Variants in GABBR2 observed in about 807,000 individuals in gnomAD.
The protein encoded by GABBR2 is G-protein coupled receptor 51.
Under a neutral mutation model 105.6 loss-of-function variants are expected in GABBR2, and 23 were observed. That is an observed-to-expected ratio of 0.22 (90% CI 0.16 to 0.31). GABBR2 has a LOEUF of 0.31. Among genes scored for constraint, GABBR2 ranks in the 10% least tolerant of loss-of-function variants. The pLI is 1.00. For synonymous variants in GABBR2, 478 were observed against 499.7 expected, an observed-to-expected ratio of 0.96 and a Z score of 0.58; for missense variants, 734 against 1,245.5, an observed-to-expected ratio of 0.59 and a Z score of 6.18.
chr9:98,491,328 C>T (rs1200460472), intron 4 of GABBR2, among the ~76,000 whole-genome samples: 1 of 152,188 alleles, frequency 6.6e-6, no homozygotes, highest in Non-Finnish European at 1.5e-5. Context: ...CTTTCAGTGT[C>T]ACTTTGTTTA....
chr9:98,582,428 G>A (rs941920260), intron 1 of GABBR2, among the ~76,000 whole-genome samples: 3 of 152,102 alleles, frequency 2.0e-5, no homozygotes, highest in Non-Finnish European at 4.4e-5. Context: ...CTCCAGATAC[G>A]AACCCAGCCC....
At chr9:98,600,121 TAAG>T (rs1319895606) in intron 1 of GABBR2, among the ~76,000 whole-genome samples, 6 of 151,832 alleles carry the variant, frequency 4.0e-5, no homozygotes, top group Admixed American at 2.0e-4. Flanking sequence ...CAAGAAAAAA[TAAG>T]AAGAACAAGG....
intron 1 of GABBR2, among the ~76,000 whole-genome samples, chr9:98,699,588 T>C (rs1455487676): frequency 2.0e-5 from 3 of 152,208 alleles, no homozygotes; most frequent in Non-Finnish European, 4.4e-5. Context: ...GGCCCTGAGA[T>C]AGTGCCTAGG....
chr9:98,598,279 G>A (rs1034851637), intron 1 of GABBR2, among the ~76,000 whole-genome samples: 3 of 152,112 alleles, frequency 2.0e-5, no homozygotes, highest in Non-Finnish European at 4.4e-5. Flanking sequence ...GGAAGGACAG[G>A]AGCGTCTTCA....
At chr9:98,619,060 G>A (rs1442458625) in intron 1 of GABBR2, among the ~76,000 whole-genome samples, 1 of 152,156 alleles carries the variant, frequency 6.6e-6, no homozygotes, top group African/African-American at 2.4e-5. Flanking sequence ...TATACTGCCT[G>A]TAATGAGCAT....
chr9:98,385,816 T>C, intron 10 of GABBR2, 44 bp from the exon 11 acceptor site: 1 of 1,516,382 alleles, frequency 6.6e-7, no homozygotes, highest in Non-Finnish European at 9.2e-7. Flanking sequence ...ATGGTTAATT[T>C]AGTTATTCCT....
chr9:98,701,253 C>T (rs898858104), intron 1 of GABBR2, among the ~76,000 whole-genome samples: 1 of 152,190 alleles, frequency 6.6e-6, no homozygotes, highest in Non-Finnish European at 1.5e-5. Context: ...AAACATTAAA[C>T]AGGCCCTTAG....
intron 14 of GABBR2, among the ~76,000 whole-genome samples, chr9:98,307,121 C>T (rs1286147560): frequency 6.6e-6 from 1 of 152,216 alleles, no homozygotes; most frequent in Non-Finnish European, 1.5e-5. Flanking sequence ...AGCCTTACCC[C>T]AGCCCTAGAC....
chr9:98,404,092 T>C (rs576133484), intron 8 of GABBR2, among the ~76,000 whole-genome samples: 2 of 152,164 alleles, frequency 1.3e-5, no homozygotes, highest in East Asian at 1.9e-4. Context: ...ACAATTGGCA[T>C]GCACTGGTAG....
At chr9:98,504,727 T>G (rs1166144459) in intron 3 of GABBR2, among the ~76,000 whole-genome samples, 1 of 152,232 alleles carries the variant, frequency 6.6e-6, no homozygotes, top group African/African-American at 2.4e-5. Flanking sequence ...GTGTCTTCAC[T>G]TGATTAAACA....
At chr9:98,638,658 C>T (rs1310172755) in intron 1 of GABBR2, among the ~76,000 whole-genome samples, 1 of 151,986 alleles carries the variant, frequency 6.6e-6, no homozygotes, top group Admixed American at 6.6e-5. Flanking sequence ...TAGGATTAAA[C>T]AAGTTTTATT....
At chr9:98,483,665 G>A (rs763321305) in intron 4 of GABBR2, among the ~76,000 whole-genome samples, 2 of 152,056 alleles carry the variant, frequency 1.3e-5, no homozygotes, top group Non-Finnish European at 2.9e-5. Flanking sequence ...CACCCATTCT[G>A]CAAGTCTATC....
At chr9:98,492,610 T>C (rs1366210866) in intron 4 of GABBR2, among the ~76,000 whole-genome samples, 2 of 152,196 alleles carry the variant, frequency 1.3e-5, no homozygotes, top group Non-Finnish European at 2.9e-5. Context: ...TACCACATTA[T>C]ATTCAATTGT....
At chr9:98,507,336 G>A (rs143559187) in intron 3 of GABBR2, among the ~76,000 whole-genome samples, 204 of 152,252 alleles carry the variant, frequency 1.3e-3, no homozygotes, top group African/African-American at 4.9e-3. Flanking sequence ...AAGGAGGGAG[G>A]TAGAAAAGTC....
intron 17 of GABBR2, among the ~76,000 whole-genome samples, chr9:98,297,109 C>A (rs972002777): frequency 2.0e-5 from 3 of 151,928 alleles, no homozygotes; most frequent in Non-Finnish European, 4.4e-5. Context: ...AGATGCCTAC[C>A]CATTTATCCC....
At chr9:98,684,271 A>AC (rs1301215073) in intron 1 of GABBR2, among the ~76,000 whole-genome samples, 2 of 151,042 alleles carry the variant, frequency 1.3e-5, no homozygotes, top group Non-Finnish European at 2.9e-5. Flanking sequence ...TGATGAAATC[A>AC]CCATGGTATC....
At chr9:98,621,673 C>T (rs1319745141) in intron 1 of GABBR2, among the ~76,000 whole-genome samples, 1 of 152,200 alleles carries the variant, frequency 6.6e-6, no homozygotes, top group Non-Finnish European at 1.5e-5. Flanking sequence ...TCCCTTCTCC[C>T]AGGCCTCATT....
intron 1 of GABBR2, among the ~76,000 whole-genome samples, chr9:98,634,695 C>T (rs1018462417): frequency 6.6e-6 from 1 of 152,194 alleles, no homozygotes; most frequent in East Asian, 1.9e-4. Context: ...TTTAAGCCAC[C>T]CAGTCTCTGG....
At chr9:98,676,162 C>T (rs10987365) in intron 1 of GABBR2, among the ~76,000 whole-genome samples, 13,076 of 152,226 alleles carry the variant, frequency 0.086, 1,179 homozygotes, top group African/African-American at 0.23. Flanking sequence ...GAGTGAATAG[C>T]AAGAGATGTG....
Sources: allele counts gnomAD v4.1 joint callset (sites outside exome capture counted in the v4.1 genomes callset), GRCh38; gene constraint gnomAD v4.1.1; transcripts MANE v1.5; gene names NCBI Gene and HGNC (gene_info 2026-07-23, HGNC 2026-07-21).